RLBP1: variants seen among roughly 807,000 people sequenced by gnomAD.
RLBP1 encodes the protein retinaldehyde-binding protein 1.
A neutral mutation model predicts 36.2 loss-of-function variants in RLBP1; 26 were observed. The observed-to-expected ratio is 0.72, with a 90% CI of 0.53 to 1.00. The LOEUF is 1.00. Ranked by LOEUF, RLBP1 falls within the 50% of genes least tolerant of loss-of-function variation. RLBP1 has a pLI of 0.00. For synonymous variants in RLBP1, 155 were observed against 156.2 expected (o/e 0.99, Z 0.06); for missense variants, 410 against 402.4 (o/e 1.02, Z -0.16).
chr15:89,220,159 CT>C (rs1012906847), intron 1 of RLBP1, among the ~76,000 whole-genome samples: 1 of 152,106 alleles, frequency 6.6e-6, no homozygotes, highest in African/African-American at 2.4e-5. Flanking sequence ...GACACCAAGT[CT>C]TTTTTTGACA....
chr15:89,220,184 C>A (rs1430244264), intron 1 of RLBP1, among the ~76,000 whole-genome samples: 2 of 152,156 alleles, frequency 1.3e-5, no homozygotes, highest in Non-Finnish European at 2.9e-5. Context: ...AGAGCCAAGA[C>A]ATCTGAAGAC....
chr15:89,217,579 C>T (rs950735925), intron 4 of RLBP1, among the ~76,000 whole-genome samples: 4 of 152,274 alleles, frequency 2.6e-5, no homozygotes, highest in Non-Finnish European at 4.4e-5. Context: ...CCTACACTCA[C>T]TGAGCCTTTG....
chr15:89,213,207 T>C (rs907202526), intron 6 of RLBP1, among the ~76,000 whole-genome samples: 1 of 151,752 alleles, frequency 6.6e-6, no homozygotes, highest in Non-Finnish European at 1.5e-5. Context: ...AGGAATTAGA[T>C]AAAGACTTCA....
At position 89,218,290 on chromosome 15, in the gene RLBP1, C is replaced by T. The variant is rs920320331; in HGVS notation, c.141+275G>A. On this transcript the variant is annotated intron_variant, in intron 4 of 8. Transcript: ENST00000268125. This position sits in a 1 kb window ranked among gnomAD's most constrained non-coding sequence, Gnocchi z 4.6. ...CTTGTTCCCCGGGGCCATTTCCAAA[C>T]CAATGCTTCTCATATTGAGTCTAGT... is the stretch of plus-strand genomic sequence containing the variant. 1.6e-4 allele frequency among the ~76,000 whole-genome samples: 24 copies of T among 152,246 alleles called. No individual in the cohort carries two copies. The highest frequency in any genetic ancestry group is 1.2e-3 in the Admixed American group (19 of 15,284).
intron 5 of RLBP1, among the ~76,000 whole-genome samples, chr15:89,215,774 T>G (rs533526064): frequency 1.3e-5 from 2 of 152,258 alleles, no homozygotes; most frequent in African/African-American, 4.8e-5. Flanking sequence ...ACCACCAAAT[T>G]TGAGCCCCTA....
At chr15:89,220,405 C>T (rs894346291) in intron 1 of RLBP1, among the ~76,000 whole-genome samples, 4 of 152,182 alleles carry the variant, frequency 2.6e-5, no homozygotes, top group Non-Finnish European at 5.9e-5. Flanking sequence ...ATGCTCCTGG[C>T]ACAGTGTCCT....
Position 89,210,985 on chromosome 15 carries a change from G to A in RLBP1, c.685-176C>T, listed in dbSNP as rs72762628. ...CCAGGCCAGCAACTAGGGATCCCTG[G>A]CTCACTGTGGCCCAGACTGCACGGA... is the stretch of plus-strand genomic sequence containing the variant. On this transcript the variant is annotated intron_variant, in intron 7 of 8. Transcript: ENST00000268125. The surrounding 1 kb of genome is among the most constrained non-coding windows in gnomAD (Gnocchi z 4.7). Among the ~76,000 whole-genome samples, 8,757 of 152,250 alleles carry A rather than the reference G, an allele frequency of 0.058. 370 individuals carry two copies. Among genetic ancestry groups the A allele is most frequent in the Non-Finnish European group, 0.092 (6,233 of 67,988 alleles).
Position 89,210,733 on chromosome 15 carries a change from A to C in RLBP1, c.761T>G (p.Val254Gly). ...PWYFTTTYNVVKPFLKSKLLE... is the reference protein window; with the variant it reads ...PWYFTTTYNVGKPFLKSKLLE... ...CAGCTTGCTCTTCAAGAAGGGCTTG[A>C]CCACATTGTAGGTCGTGGTGAAGTA... Residue 254 changes from valine (V) to glycine (G), a missense_variant, in exon 8 of 9, where the codon GTC becomes GGC. By Grantham distance (109) the Val-to-Gly change is moderately radical. Transcript: ENST00000268125. This position sits in a 1 kb window ranked among gnomAD's most constrained non-coding sequence, Gnocchi z 4.7. The C allele has an allele frequency of 6.2e-7, 1 of 1,602,090 alleles. No individual in the cohort carries two copies. Among genetic ancestry groups the C allele is most frequent in the East Asian group, 2.2e-5 (1 of 44,614 alleles).
chr15:89,220,537 C>T (rs924318453), intron 1 of RLBP1, among the ~76,000 whole-genome samples: 2 of 152,274 alleles, frequency 1.3e-5, no homozygotes, highest in Non-Finnish European at 1.5e-5. Flanking sequence ...CTGCTCTTTC[C>T]ACTCCACACC....
chr15:89,215,915 A>T (rs923743081), intron 5 of RLBP1, among the ~76,000 whole-genome samples: 6 of 152,156 alleles, frequency 3.9e-5, no homozygotes, highest in African/African-American at 1.4e-4. Context: ...TTCCCCACAG[A>T]TATCTCATTT....
In RLBP1 at chr15:89,210,318, G is replaced by A; in HGVS notation, c.921C>T (p.Gly307=). ...DGKAVAEQLF[G]PQAQAENTAF is the part of the protein sequence containing the mutation. ...CTGTGTTCTCAGCTTGGGCCTGGGG[G>A]CCAAAGAGCTGCTCAGCAACGGCCT... Residue 307 remains glycine, a synonymous_variant, in exon 9 of 9, where the codon GGC becomes GGT. Transcript: ENST00000268125. The surrounding 1 kb of genome is among the most constrained non-coding windows in gnomAD (Gnocchi z 4.7). The A allele has an allele frequency of 1.2e-6, 2 of 1,614,210 alleles. No individual in the cohort carries two copies. Among genetic ancestry groups the A allele is most frequent in the African/African-American group, 1.3e-5 (1 of 75,064 alleles).
Position 89,215,561 on chromosome 15 carries a change from C to T in RLBP1, c.347-323G>A, listed in dbSNP as rs972792184. Among the ~76,000 whole-genome samples the T allele has an allele frequency of 2.6e-5, 4 of 152,210 alleles. No individual in the cohort carries two copies. The East Asian group carries it at 5.8e-4, about 22-fold the overall frequency. On this transcript the variant is annotated intron_variant, in intron 5 of 8. Coordinates refer to ENST00000268125, the MANE Select transcript of RLBP1 (RefSeq NM_000326.5). ...GAGGATAATCATTACTTGTTATTTTCTTCCCCATGGGGACAAGACACAGAT... is the reference window on the plus strand; with the variant it reads ...GAGGATAATCATTACTTGTTATTTTTTTCCCCATGGGGACAAGACACAGAT...
chr15:89,210,313 T>A lies in RLBP1; in HGVS notation c.926A>T (p.Gln309Leu). The change falls in exon 9 of 9, where the codon CAG (glutamine) becomes CTG (leucine). Residue 309 changes from glutamine to leucine, a missense_variant. Coordinates refer to ENST00000268125, the MANE Select transcript of RLBP1 (RefSeq NM_000326.5). The surrounding 1 kb of genome is among the most constrained non-coding windows in gnomAD (Gnocchi z 4.7). ...KAVAEQLFGP[Q>L]AQAENTAF ...GAAGGCTGTGTTCTCAGCTTGGGCC[T>A]GGGGGCCAAAGAGCTGCTCAGCAAC... 4 of 1,614,192 alleles carry A rather than the reference T, an allele frequency of 2.5e-6. No individual in the cohort carries two copies. The highest frequency in any genetic ancestry group is 3.4e-6 in the Non-Finnish European group (4 of 1,180,034).
intron 5 of RLBP1, 75 bp from the exon 6 acceptor site, chr15:89,215,313 G>A: frequency 1.3e-6 from 2 of 1,495,740 alleles, no homozygotes; most frequent in Non-Finnish European, 1.9e-6. Context: ...GTGGGACTCA[G>A]AGACCTGACC....
rs1362888573 is a variant in RLBP1 at position 89,210,780 on chromosome 15, G to C, written c.714C>G (p.Ile238Met). The C allele has an allele frequency of 1.9e-6, 3 of 1,597,118 alleles. No individual in the cohort carries two copies. Among genetic ancestry groups the C allele is most frequent in the Non-Finnish European group, 2.6e-6 (3 of 1,170,442 alleles). The change falls in exon 8 of 9, where the codon ATC becomes ATG. Residue 238 changes from isoleucine (I) to methionine (M), a missense_variant. Transcript: ENST00000268125. This position sits in a 1 kb window ranked among gnomAD's most constrained non-coding sequence, Gnocchi z 4.7. ...QDSFPARFKA[I>M]HFIHQPWYFT... ...AGTACCATGGCTGGTGGATGAAGTGGATGGCTTTGAACCGGGCTGGGAAGG... is the reference window on the plus strand; with the variant it reads ...AGTACCATGGCTGGTGGATGAAGTGCATGGCTTTGAACCGGGCTGGGAAGG...
intron 6 of RLBP1, among the ~76,000 whole-genome samples, chr15:89,213,475 A>C (rs1290523928): frequency 6.6e-6 from 1 of 152,246 alleles, no homozygotes; most frequent in East Asian, 1.9e-4. Flanking sequence ...TATACAAACA[A>C]TAACCAACTA....
rs369127471 is a variant in RLBP1, at chr15:89,218,651, G to A, written c.55C>T (p.Arg19Cys). 9 of 1,614,106 alleles carry A rather than the reference G, an allele frequency of 5.6e-6. No homozygotes were observed. The highest frequency in any genetic ancestry group is 1.3e-5 in the African/African-American group (1 of 74,940). ...RMVPEEEQEL[R>C]AQLEQLTTKD... The stretch of plus-strand genomic sequence containing the variant: ...GTTGTGAGCTGCTCCAGTTGGGCAC[G>A]GAGCTCCTGTTCCTCTTCAGGTACC... Residue 19 changes from arginine to cysteine, a missense_variant, in exon 4 of 9, where the codon CGT becomes TGT. Coordinates refer to ENST00000268125, the MANE Select transcript of RLBP1 (RefSeq NM_000326.5). This position sits in a 1 kb window ranked among gnomAD's most constrained non-coding sequence, Gnocchi z 4.6.
At chr15:89,216,671 G>T (rs183832591) in intron 5 of RLBP1, among the ~76,000 whole-genome samples, 1 of 152,170 alleles carries the variant, frequency 6.6e-6, no homozygotes, top group Non-Finnish European at 1.5e-5. Context: ...GTGCCAGAGC[G>T]GTTCTGTCCC....
At chr15:89,212,441 G>C (rs144723732) in intron 6 of RLBP1, among the ~76,000 whole-genome samples, 2 of 151,968 alleles carry the variant, frequency 1.3e-5, no homozygotes, top group East Asian at 3.9e-4. Context: ...AAAATCAGCT[G>C]AGCATGGTGG....
Sources: gnomAD v4.1 joint callset for allele counts (sites outside exome capture counted in the v4.1 genomes callset) on GRCh38, gnomAD v4.1.1 for gene constraint, Gnocchi (gnomAD v3.1) non-coding constraint, MANE v1.5 for transcripts, NCBI Gene and HGNC (gene_info 2026-07-23, HGNC 2026-07-21) for gene names.